NLGN1: variants seen among roughly 807,000 people sequenced by gnomAD.
NLGN1 encodes the protein neuroligin-1.
A neutral mutation model predicts 65.5 loss-of-function variants in NLGN1; 12 were observed. The observed-to-expected ratio is 0.18, with a 90% confidence interval of 0.12 to 0.30. The LOEUF (loss-of-function observed/expected upper bound fraction) is 0.30, where lower values mean the gene tolerates loss of function less well. Ranked by LOEUF, NLGN1 falls within the 10% of genes least tolerant of loss-of-function variation. The pLI is 1.00. For synonymous variants in NLGN1, 350 were observed against 359.5 expected, an observed-to-expected ratio of 0.97 and a Z score of 0.30; for missense variants, 750 against 1,007.1, an observed-to-expected ratio of 0.74 and a Z score of 3.46.
chr3:173,887,037 T>A (rs1437944688), intron 4 of NLGN1, among the ~76,000 whole-genome samples: 5 of 152,074 alleles, frequency 3.3e-5, no homozygotes, highest in African/African-American at 7.2e-5. Context: ...CCTTTCAGCA[T>A]GTAGGTGAAA....
chr3:173,642,882 A>G (rs149811400), intron 3 of NLGN1, among the ~76,000 whole-genome samples: 1 of 152,354 alleles, frequency 6.6e-6, no homozygotes, highest in East Asian at 1.9e-4. Context: ...GTCAACTGAC[A>G]CTGTACTAGA....
intron 4 of NLGN1, among the ~76,000 whole-genome samples, chr3:173,857,141 C>T (rs965044021): frequency 3.3e-5 from 5 of 152,010 alleles, no homozygotes; most frequent in Admixed American, 6.6e-5. Flanking sequence ...AAGGAGTAAC[C>T]GACAAAGGCT....
chr3:174,049,136 G>C (rs896254501), intron 4 of NLGN1, among the ~76,000 whole-genome samples: 1 of 152,052 alleles, frequency 6.6e-6, no homozygotes, highest in African/African-American at 2.4e-5. Context: ...TTGAATGTCA[G>C]AAAAAGCTTG....
At position 173,617,881 on chromosome 3, in the gene NLGN1, A is replaced by G. The variant is rs565602600; in HGVS notation, c.493+12790A>G. Among the ~76,000 whole-genome samples, 67 of 152,142 alleles carry G rather than the reference A, an allele frequency of 4.4e-4. 1 individual carries two copies. The South Asian group carries it at 0.014, about 31-fold the overall frequency. ...TATTTTAATCTTTTTCTTCTTATTC[A>G]ACCCCAATTTCCCTCCCCTGACAAA... On this transcript the variant is annotated intron_variant, in intron 3 of 6. Coordinates refer to ENST00000457714, the Ensembl canonical transcript of NLGN1.
At chr3:174,000,082 C>T (rs1435750894) in intron 4 of NLGN1, among the ~76,000 whole-genome samples, 2 of 151,804 alleles carry the variant, frequency 1.3e-5, no homozygotes, top group Non-Finnish European at 2.9e-5. Context: ...CAGGCAAGTA[C>T]ATATTATTGT....
chr3:174,102,827 A>T (rs1712849105), intron 4 of NLGN1, among the ~76,000 whole-genome samples: 1 of 150,774 alleles, frequency 6.6e-6, no homozygotes, highest in South Asian at 2.1e-4. Context: ...TAGATTCGCC[A>T]GGAGAAGTGG....
chr3:173,993,074 T>C (rs1182841608), intron 4 of NLGN1, among the ~76,000 whole-genome samples: 1 of 152,220 alleles, frequency 6.6e-6, no homozygotes, highest in Non-Finnish European at 1.5e-5. Context: ...TGTTAAAATA[T>C]GTAAATAAAT....
intron 4 of NLGN1, among the ~76,000 whole-genome samples, chr3:173,998,089 C>T (rs566856643): frequency 6.6e-5 from 10 of 152,206 alleles, no homozygotes; most frequent in African/African-American, 2.4e-4. Context: ...GGCAGGCCCT[C>T]TTGTTCTTAC....
intron 4 of NLGN1, among the ~76,000 whole-genome samples, chr3:174,128,262 T>G (rs547397236): frequency 6.6e-6 from 1 of 152,324 alleles, no homozygotes; most frequent in East Asian, 1.9e-4. Context: ...GAATGCTACC[T>G]ATCCTACATT....
chr3:173,574,049 C>T (rs1478814587), intron 2 of NLGN1, among the ~76,000 whole-genome samples: 2 of 116,934 alleles, frequency 1.7e-5, no homozygotes, highest in Non-Finnish European at 3.3e-5. Flanking sequence ...AGCAATAGAG[C>T]GAGACTCCAC....
intron 4 of NLGN1, among the ~76,000 whole-genome samples, chr3:173,885,953 T>C (rs34402039): frequency 0.18 from 27,948 of 152,038 alleles, 2,789 homozygotes; most frequent in East Asian, 0.35. Context: ...CACATTTTCT[T>C]TACAGAACCT....
chr3:173,897,680 G>A (rs577521265), intron 4 of NLGN1, among the ~76,000 whole-genome samples: 1 of 152,096 alleles, frequency 6.6e-6, no homozygotes, highest in African/African-American at 2.4e-5. Flanking sequence ...AACAAATAAG[G>A]CATTCTTGTT....
chr3:173,564,810 T>G (rs543231205), intron 2 of NLGN1, among the ~76,000 whole-genome samples: 6 of 152,244 alleles, frequency 3.9e-5, no homozygotes, highest in Non-Finnish European at 8.8e-5. Context: ...TTATATCCTC[T>G]TCAATTATTG....
chr3:174,177,864 T>C (rs1274825513), intron 4 of NLGN1, among the ~76,000 whole-genome samples: 1 of 152,078 alleles, frequency 6.6e-6, no homozygotes, highest in Non-Finnish European at 1.5e-5. Context: ...TCTTTCACCA[T>C]AATGTAACAA....
intron 4 of NLGN1, among the ~76,000 whole-genome samples, chr3:174,259,749 A>G (rs922362450): frequency 6.6e-6 from 1 of 151,306 alleles, no homozygotes; most frequent in Admixed American, 6.6e-5. Flanking sequence ...TTAGTTACAT[A>G]TGTATACATG....
chr3:173,828,182 T>C (rs1027068098), intron 4 of NLGN1, among the ~76,000 whole-genome samples: 29 of 152,184 alleles, frequency 1.9e-4, no homozygotes, highest in African/African-American at 6.0e-4. Context: ...AACTTGATAA[T>C]ATATGTATAT....
chr3:173,966,144 C>T (rs918470664), intron 4 of NLGN1, among the ~76,000 whole-genome samples: 8 of 152,092 alleles, frequency 5.3e-5, no homozygotes, highest in Admixed American at 2.6e-4. Context: ...TTTATTGTCC[C>T]TTTCTGTAAC....
intron 2 of NLGN1, among the ~76,000 whole-genome samples, chr3:173,474,984 A>G (rs887210040): frequency 2.0e-5 from 3 of 152,004 alleles, no homozygotes; most frequent in African/African-American, 7.3e-5. Context: ...AAAAGAAAAG[A>G]CAGAAGTTAT....
intron 2 of NLGN1, among the ~76,000 whole-genome samples, chr3:173,453,121 G>T (rs1409419585): frequency 6.6e-6 from 1 of 151,438 alleles, no homozygotes; most frequent in African/African-American, 2.4e-5. Context: ...TTGAGAAAGG[G>T]TCTCATATTT....
Sources: gnomAD v4.1 joint callset for allele counts (sites outside exome capture counted in the v4.1 genomes callset) on GRCh38, gnomAD v4.1.1 for gene constraint, MANE v1.5 for transcripts, NCBI Gene and HGNC (gene_info 2026-07-23, HGNC 2026-07-21) for gene names.